The following SCAI variants were observed in gnomAD, a reference collection of about 807,000 sequenced individuals.
SCAI encodes the protein protein SCAI.
In SCAI, 24 loss-of-function variants were observed where a neutral mutation model predicts 92.2. The ratio of observed to expected loss-of-function variants is 0.26; its 90% CI spans 0.19 to 0.37. The LOEUF (loss-of-function observed/expected upper bound fraction) is 0.37, where lower values mean the gene tolerates loss of function less well. Ranked by LOEUF, SCAI falls within the 10% of genes least tolerant of loss-of-function variation. The probability of loss-of-function intolerance (pLI) is 1.00; values close to 1 mark genes in which losing one functional copy is unlikely to be tolerated. For synonymous variants in SCAI, 261 were observed against 258.6 expected (o/e 1.01, Z -0.09); for missense variants, 450 against 736.2 (o/e 0.61, Z 4.50).
At chr9:125,103,028 C>G (rs1007456079) in intron 2 of SCAI, among the ~76,000 whole-genome samples, 28 of 152,156 alleles carry the variant, frequency 1.8e-4, no homozygotes, top group Admixed American at 1.2e-3. Context: ...TCTGCCTAAT[C>G]AAGTCTAGGT....
At chr9:125,076,699 T>C (rs1420733856) in intron 2 of SCAI, among the ~76,000 whole-genome samples, 1 of 151,760 alleles carries the variant, frequency 6.6e-6, no homozygotes, top group African/African-American at 2.4e-5. Context: ...GAAACACCAT[T>C]TTTCCTTTCT....
At chr9:124,985,767 T>A (rs189128900) in intron 14 of SCAI, among the ~76,000 whole-genome samples, 2 of 150,752 alleles carry the variant, frequency 1.3e-5, no homozygotes, top group African/African-American at 2.4e-5. Flanking sequence ...CTTGGGAGGC[T>A]GAGGAGAATT....
At chr9:124,966,571 A>T (rs1308044026) in intron 17 of SCAI, among the ~76,000 whole-genome samples, 1 of 152,180 alleles carries the variant, frequency 6.6e-6, no homozygotes, top group Non-Finnish European at 1.5e-5. Context: ...AAATGATAAA[A>T]TAGACTAGTG....
intron 2 of SCAI, among the ~76,000 whole-genome samples, chr9:125,119,906 C>G (rs2131247184): frequency 6.6e-6 from 1 of 152,320 alleles, no homozygotes; most frequent in East Asian, 1.9e-4. Flanking sequence ...TTCCCTCTTA[C>G]ACAGGCCACT....
chr9:124,947,373 A>G lies in SCAI; in HGVS notation c.*5434T>C, dbSNP rs1296181832. Reference sequence around the variant, plus strand: ...ATCATCAGTTTAAATAAAAATTTGCAGGTGATTTTAAAGCTAAGAATAAAT... The same window carrying G: ...ATCATCAGTTTAAATAAAAATTTGCGGGTGATTTTAAAGCTAAGAATAAAT... On this transcript the variant is annotated 3_prime_UTR_variant, in exon 18 of 18. Coordinates refer to ENST00000336505, the MANE Select transcript of SCAI (RefSeq NM_001144877.3). 1 of 152,212 alleles carries G rather than the reference A, an allele frequency of 6.6e-6. No individual in the cohort carries two copies. Among genetic ancestry groups the G allele is most frequent in the Non-Finnish European group, 1.5e-5 (1 of 68,022 alleles). The allele number at this position is 152,212 out of a possible 1,614,324, so 9.4% of individuals were successfully genotyped here.
At chr9:125,040,534 C>T (rs1163552291) in intron 3 of SCAI, among the ~76,000 whole-genome samples, 1 of 152,144 alleles carries the variant, frequency 6.6e-6, no homozygotes, top group African/African-American at 2.4e-5. Flanking sequence ...TCAATATTTA[C>T]TGTGTACAAA....
At chr9:125,123,848 G>A (rs543707315) in intron 2 of SCAI, among the ~76,000 whole-genome samples, 6 of 152,338 alleles carry the variant, frequency 3.9e-5, no homozygotes, top group Admixed American at 1.3e-4. Context: ...CCACGTGTGA[G>A]CACCTTCAAC....
At chr9:125,081,465 T>G (rs1057205516) in intron 2 of SCAI, among the ~76,000 whole-genome samples, 3 of 152,196 alleles carry the variant, frequency 2.0e-5, no homozygotes, top group Admixed American at 6.5e-5. Flanking sequence ...ACCCTGGAGA[T>G]CTGTGGAACT....
At chr9:125,029,857 A>C in intron 3 of SCAI, 118 bp from the exon 4 acceptor site, 2 of 540,292 alleles carry the variant, frequency 3.7e-6, no homozygotes, top group Non-Finnish European at 6.2e-6. Context: ...TTTCTTTTTT[A>C]AAAAAGTTAC....
At position 124,944,572 on chromosome 9, in the gene SCAI, A is replaced by G. The variant is rs1450114918; in HGVS notation, c.*8235T>C. Reference sequence around the variant, plus strand: ...GAGTAATAAAAATTCTTATTGTGCTAAAACACTAAGCAATTTTTCCTGCAG... The same window carrying G: ...GAGTAATAAAAATTCTTATTGTGCTGAAACACTAAGCAATTTTTCCTGCAG... On this transcript the variant is annotated 3_prime_UTR_variant, in exon 18 of 18. Transcript: ENST00000336505. 3.4e-5 allele frequency: 5 copies of G among 146,336 alleles called. No homozygotes were observed. Among genetic ancestry groups the G allele is most frequent in the South Asian group, 4.2e-4 (2 of 4,708 alleles). The allele number at this position is 146,336 out of a possible 1,614,324, so 9.1% of individuals were successfully genotyped here.
chr9:124,956,989 A>ATTT (rs35575491), intron 17 of SCAI, among the ~76,000 whole-genome samples: 8 of 141,192 alleles, frequency 5.7e-5, no homozygotes, highest in Admixed American at 4.2e-4. Context: ...GGTCAACTGT[A>ATTT]TTTTTTTTTT....
chr9:125,030,162 T>C (rs1389225167), intron 3 of SCAI, among the ~76,000 whole-genome samples: 1 of 152,238 alleles, frequency 6.6e-6, no homozygotes, highest in African/African-American at 2.4e-5. Flanking sequence ...TGCACTATTC[T>C]ATCCTCTCCC....
chr9:125,017,555 T>C (rs1832785586), intron 9 of SCAI, among the ~76,000 whole-genome samples: 1 of 152,138 alleles, frequency 6.6e-6, no homozygotes, highest in Non-Finnish European at 1.5e-5. Context: ...GATGCTAGGA[T>C]AGGATCCAAA....
Position 125,084,158 on chromosome 9 carries a change from C to CTTTTTTTTTTT in SCAI, c.99-28162_99-28152dup, listed in dbSNP as rs34786493. Among the ~76,000 whole-genome samples the CTTTTTTTTTTT allele has an allele frequency of 1.2e-3, 75 of 65,138 alleles. 10 individuals are homozygous for CTTTTTTTTTTT. Among genetic ancestry groups the CTTTTTTTTTTT allele is most frequent in the Non-Finnish European group, 1.4e-3 (51 of 36,022 alleles). 42.7% of individuals were successfully genotyped at this position (65,138 alleles called of 152,430 possible). ...ATATGAACAGGACTCTTGGCTGCTG[C>CTTTTTTTTTTT]TTTTTTTTTTTTTTTTTTTTTTTTT... On this transcript the variant is annotated intron_variant, in intron 2 of 17. Transcript: ENST00000336505.
In SCAI at chr9:124,948,731, T is replaced by G. The variant is rs899267929; in HGVS notation, c.*4076A>C. 3 of 152,250 alleles carry G rather than the reference T, an allele frequency of 2.0e-5. No homozygotes were observed. The highest frequency in any genetic ancestry group is 7.2e-5 in the African/African-American group (3 of 41,464). 9.4% of individuals were successfully genotyped at this position (152,250 alleles called of 1,614,324 possible). On this transcript the variant is annotated 3_prime_UTR_variant, in exon 18 of 18. Coordinates refer to ENST00000336505, the MANE Select transcript of SCAI (RefSeq NM_001144877.3). The stretch of plus-strand genomic sequence containing the variant: ...GTATAACTGACTTCTTGCAGTCTTA[T>G]GCTTTCTATGTTGTTTACAGTGATA...
At chr9:124,984,486 C>T (rs184678641) in intron 14 of SCAI, among the ~76,000 whole-genome samples, 1 of 152,136 alleles carries the variant, frequency 6.6e-6, no homozygotes, top group East Asian at 1.9e-4. Flanking sequence ...GTGGTATGAG[C>T]CAGGATGAGG....
In SCAI at chr9:125,094,886, A is replaced by T. The variant is rs142492690; in HGVS notation, c.99-38879T>A. ...TCCCTATCTCCAATGTCTATAATAA[A>T]GCCCAGTACTAATAGTTACACAAGA... On this transcript the variant is annotated intron_variant, in intron 2 of 17. Transcript: ENST00000336505. Among the ~76,000 whole-genome samples, 1,464 of 152,342 alleles carry T rather than the reference A, an allele frequency of 9.6e-3. 23 individuals are homozygous for T. Among genetic ancestry groups the T allele is most frequent in the African/African-American group, 0.033 (1,379 of 41,570 alleles).
chr9:125,086,170 C>A (rs1834322250), intron 2 of SCAI, among the ~76,000 whole-genome samples: 1 of 152,152 alleles, frequency 6.6e-6, no homozygotes, highest in Non-Finnish European at 1.5e-5. Flanking sequence ...CACTCGTCAT[C>A]CCCTTCCTAA....
Position 125,108,469 on chromosome 9 carries a change from C to G in SCAI, c.98+34164G>C, listed in dbSNP as rs1834858001. Among the ~76,000 whole-genome samples, 3 of 151,194 alleles carry G rather than the reference C, an allele frequency of 2.0e-5. No homozygotes were observed. In the South Asian group the frequency reaches 6.3e-4, roughly 32 times the overall value. On this transcript the variant is annotated intron_variant, in intron 2 of 17. Transcript: ENST00000336505. ...CGCCCATCGTCTGAGATGTGGGGAG[C>G]GCCTCTGCCCCGCCGCCCCGTCTGG...
Sources: gnomAD v4.1 joint callset for allele counts (sites outside exome capture counted in the v4.1 genomes callset) on GRCh38, gnomAD v4.1.1 for gene constraint, MANE v1.5 for transcripts, NCBI Gene and HGNC (gene_info 2026-07-23, HGNC 2026-07-21) for gene names.